Variants in GREB1L observed in about 807,000 individuals in gnomAD.
GREB1L encodes the protein GREB1 like retinoic acid receptor coactivator.
GREB1L carries 17 observed loss-of-function variants against 200.8 expected under a neutral mutation model. The observed-to-expected ratio is 0.08, with a 90% CI of 0.06 to 0.13. The LOEUF is 0.13. Among genes scored for constraint, GREB1L ranks in the 10% least tolerant of loss-of-function variants. GREB1L has a pLI of 1.00. For missense variants in GREB1L, 1,657 were observed against 2,367.7 expected (o/e 0.70, Z 6.23); for synonymous variants, 789 against 893.0 (o/e 0.88, Z 2.08).
At chr18:21,496,789 C>G (rs2036564446) in intron 21 of GREB1L, 91 bp downstream of exon 21, 1 of 1,413,872 alleles carries the variant, frequency 7.1e-7, no homozygotes, top group Admixed American at 2.2e-5. Flanking sequence ...ACTGACACCC[C>G]AACGGCCTTC....
chr18:21,284,678 C>G (rs2038325462), intron 1 of GREB1L, among the ~76,000 whole-genome samples: 1 of 152,158 alleles, frequency 6.6e-6, no homozygotes, highest in Non-Finnish European at 1.5e-5. Context: ...TTTCATTTCT[C>G]TTGGACACGT....
chr18:21,522,544 C>T, intron 32 of GREB1L, 114 bp from the exon 33 acceptor site: 1 of 745,448 alleles, frequency 1.3e-6, no homozygotes, highest in South Asian at 2.6e-5. Context: ...TGATAGATTG[C>T]TTATCCATCT....
chr18:21,441,431 C>T lies in GREB1L; in HGVS notation c.1101C>T (p.Thr367=). The change falls in exon 10 of 33, where the codon ACC becomes ACT. Residue 367 remains threonine, a synonymous_variant. Coordinates refer to ENST00000424526, the MANE Select transcript of GREB1L (RefSeq NM_001142966.3). The part of the protein sequence containing the change: ...EPLLSAPVPQ[T]PLTGILQPRP... ...TTTTATCTGCCCCAGTTCCACAGAC[C>T]CCACTAACTGGAATTTTACAACCCA... 3.9e-6 allele frequency: 6 copies of T among 1,550,752 alleles called. No homozygotes were observed. The highest frequency in any genetic ancestry group is 5.2e-6 in the Non-Finnish European group (6 of 1,146,668).
chr18:21,517,246 G>C (rs2037451986), intron 30 of GREB1L, among the ~76,000 whole-genome samples: 1 of 152,188 alleles, frequency 6.6e-6, no homozygotes, highest in South Asian at 2.1e-4. Context: ...CAAAACATTT[G>C]TTTTGACAAT....
At chr18:21,446,355 C>T (rs1156734461) in intron 11 of GREB1L, among the ~76,000 whole-genome samples, 1 of 151,924 alleles carries the variant, frequency 6.6e-6, no homozygotes. Flanking sequence ...TTTTTAAAAT[C>T]GGAGTCTAAT....
intron 17 of GREB1L, among the ~76,000 whole-genome samples, chr18:21,484,532 G>T (rs2036052001): frequency 6.6e-6 from 1 of 152,246 alleles, no homozygotes; most frequent in Non-Finnish European, 1.5e-5. Flanking sequence ...AATAACAAAA[G>T]TGGGCCAGGC....
At chr18:21,265,252 C>CTG (rs2037947732) in intron 1 of GREB1L, among the ~76,000 whole-genome samples, 1 of 152,046 alleles carries the variant, frequency 6.6e-6, no homozygotes. Flanking sequence ...CTTTGTGATG[C>CTG]TGTGTGTACG....
intron 1 of GREB1L, among the ~76,000 whole-genome samples, chr18:21,289,107 A>C (rs568198477): frequency 1.3e-4 from 20 of 152,312 alleles, no homozygotes; most frequent in African/African-American, 4.8e-4. Context: ...AAGACTGTGC[A>C]TCATACTCTT....
At chr18:21,491,941 C>T (rs2036353872) in intron 19 of GREB1L, among the ~76,000 whole-genome samples, 1 of 152,038 alleles carries the variant, frequency 6.6e-6, no homozygotes, top group South Asian at 2.1e-4. Flanking sequence ...TCATAGACTA[C>T]ATTACAGTGG....
At chr18:21,380,524 G>A (rs2040259969) in intron 2 of GREB1L, 1 of 152,164 alleles carries the variant, frequency 6.6e-6, no homozygotes, top group African/African-American at 2.4e-5. Flanking sequence ...CTTGAAATGA[G>A]ATTTATCCAA....
chr18:21,434,563 ATATGTGTGTATAT>A (rs1171860936), intron 7 of GREB1L, among the ~76,000 whole-genome samples: 2 of 126,726 alleles, frequency 1.6e-5, no homozygotes, highest in Non-Finnish European at 3.1e-5. Flanking sequence ...GTGTGTATAT[ATATGTGTGTATAT>A]ATATATATAT....
At position 21,459,279 on chromosome 18, in the gene GREB1L, CTTTTTTTTTTTT is replaced by C. The variant is rs746568414; in HGVS notation, c.2182+4728_2182+4739del. On this transcript the variant is annotated intron_variant, in intron 15 of 32. Transcript: ENST00000424526. ...TTTCTTTTCTTTTTCTTTTTCTTTA[CTTTTTTTTTTTT>C]TTTTTTTTTTTGAGACGGAGTTTCA... Among the ~76,000 whole-genome samples the C allele has an allele frequency of 1.6e-4, 14 of 85,930 alleles. 1 individual carries two copies. In the South Asian group the frequency reaches 1.8e-3, roughly 11 times the overall value. 56.4% of individuals were successfully genotyped at this position (85,930 alleles called of 152,430 possible). A position where few individuals can be genotyped will look rare whatever the true frequency, so the allele number is the denominator to read the frequency against.
chr18:21,444,477 TTCTTTCTC>T (rs2034095839), intron 11 of GREB1L, 68 bp downstream of exon 11: 5 of 1,270,688 alleles, frequency 3.9e-6, no homozygotes, highest in Non-Finnish European at 4.4e-6. Flanking sequence ...TACTTTTTCT[TTCTTTCTC>T]ACATTTATCC....
chr18:21,497,060 A>G (rs2036573868), intron 21 of GREB1L, among the ~76,000 whole-genome samples: 1 of 152,184 alleles, frequency 6.6e-6, no homozygotes, highest in South Asian at 2.1e-4. Context: ...CTGAAGCTGT[A>G]TGTTTGTGCT....
intron 2 of GREB1L, among the ~76,000 whole-genome samples, chr18:21,373,419 C>T (rs1002651453): frequency 2.4e-4 from 37 of 152,102 alleles, no homozygotes; most frequent in African/African-American, 7.2e-4. Flanking sequence ...CTGCAACCTC[C>T]GCGTCCCAGG....
At chr18:21,330,548 C>T (rs1445875579) in intron 1 of GREB1L, among the ~76,000 whole-genome samples, 1 of 152,138 alleles carries the variant, frequency 6.6e-6, no homozygotes, top group Non-Finnish European at 1.5e-5. Flanking sequence ...TGGACCTTTG[C>T]CCTGCATGTT....
chr18:21,477,793 A>AC (rs901504479), intron 17 of GREB1L, among the ~76,000 whole-genome samples: 27 of 152,134 alleles, frequency 1.8e-4, no homozygotes, highest in African/African-American at 5.8e-4. Context: ...CTCAAAAAAA[A>AC]AAAAAACAAA....
chr18:21,318,107 A>C (rs1360380198), intron 1 of GREB1L, among the ~76,000 whole-genome samples: 3 of 2,542 alleles, frequency 1.2e-3, no homozygotes, highest in African/African-American at 3.6e-3. Context: ...GATTCCGTCA[A>C]AAAAAAAAAA....
intron 18 of GREB1L, among the ~76,000 whole-genome samples, chr18:21,488,827 T>A (rs890739512): frequency 1.3e-5 from 2 of 152,144 alleles, no homozygotes; most frequent in African/African-American, 4.8e-5. Flanking sequence ...CAGCTAATTT[T>A]TATATTTTTA....
Sources: allele counts gnomAD v4.1 joint callset (sites outside exome capture counted in the v4.1 genomes callset), GRCh38; gene constraint gnomAD v4.1.1; transcripts MANE v1.5; gene names NCBI Gene and HGNC (gene_info 2026-07-23, HGNC 2026-07-21).